The following CDH18 variants were observed in gnomAD, a reference collection of about 807,000 sequenced individuals.
The protein encoded by CDH18 is cadherin 18.
In CDH18, 31 loss-of-function variants were observed where a neutral mutation model predicts 67.9. The observed-to-expected ratio is 0.46, with a 90% CI of 0.34 to 0.62. The LOEUF (loss-of-function observed/expected upper bound fraction) is 0.62. Ranked by LOEUF, CDH18 falls within the 20% of genes least tolerant of loss-of-function variation. The pLI is 0.01. For missense variants in CDH18, 890 were observed against 975.5 expected (o/e 0.91, Z 1.17); for synonymous variants, 362 against 347.2 (o/e 1.04, Z -0.48).
chr5:20,030,407 T>C (rs1739294693), intron 2 of CDH18, among the ~76,000 whole-genome samples: 1 of 152,194 alleles, frequency 6.6e-6, no homozygotes, highest in Non-Finnish European at 1.5e-5. Flanking sequence ...AGATATTTCA[T>C]GGACTACATC....
At chr5:20,059,010 T>C (rs181611808) in intron 2 of CDH18, among the ~76,000 whole-genome samples, 5 of 152,288 alleles carry the variant, frequency 3.3e-5, no homozygotes, top group African/African-American at 1.2e-4. Context: ...ATTCAGGGAT[T>C]GTTATTGATC....
intron 1 of CDH18, among the ~76,000 whole-genome samples, chr5:20,437,013 AAAAT>A (rs1749219387): frequency 6.7e-6 from 1 of 149,294 alleles, no homozygotes; most frequent in Non-Finnish European, 1.5e-5. Context: ...ATGTACAAAG[AAAAT>A]AAATAAAATA....
At chr5:20,537,538 T>A (rs1441525286) in intron 1 of CDH18, among the ~76,000 whole-genome samples, 3 of 152,106 alleles carry the variant, frequency 2.0e-5, no homozygotes, top group Non-Finnish European at 4.4e-5. Flanking sequence ...TTAATTTTTT[T>A]AAAAGCCTAG....
chr5:19,848,773 G>A (rs1275422180), intron 2 of CDH18, among the ~76,000 whole-genome samples: 1 of 151,424 alleles, frequency 6.6e-6, no homozygotes, highest in Non-Finnish European at 1.5e-5. Flanking sequence ...TGAAGACAAA[G>A]ATGATAGCAT....
intron 2 of CDH18, among the ~76,000 whole-genome samples, chr5:19,861,093 G>A (rs138276208): frequency 3.3e-5 from 5 of 152,214 alleles, no homozygotes; most frequent in East Asian, 3.9e-4. Context: ...CTTACAGAAC[G>A]TTATTAAGTG....
At chr5:20,056,384 T>G (rs201103915) in intron 2 of CDH18, among the ~76,000 whole-genome samples, 3 of 146,356 alleles carry the variant, frequency 2.0e-5, no homozygotes, top group Non-Finnish European at 3.0e-5. Context: ...GGACAAGCTG[T>G]TTTTTTTGTT....
At position 20,565,753 on chromosome 5, in the gene CDH18, T is replaced by C. The variant is rs568912699; in HGVS notation, c.-580+9709A>G. 7.7e-4 allele frequency among the ~76,000 whole-genome samples: 65 copies of C among 84,128 alleles called. 1 individual carries two copies. 55.2% of individuals were successfully genotyped at this position (84,128 alleles called of 152,430 possible). On this transcript the variant is annotated intron_variant, in intron 1 of 14. Transcript: ENST00000507958. The stretch of plus-strand genomic sequence containing the variant: ...CCTTTGCGTTCCTCCTTGTACGTTA[T>C]GATAAAAAAAAAAAAAAAGTTCCAG...
At chr5:19,644,343 A>G (rs567407933) in intron 5 of CDH18, among the ~76,000 whole-genome samples, 12 of 152,266 alleles carry the variant, frequency 7.9e-5, no homozygotes, top group Non-Finnish European at 1.5e-4. Flanking sequence ...TGTCGCAAGA[A>G]GCATATAGAT....
chr5:19,609,954 A>G (rs1442013828), intron 6 of CDH18, among the ~76,000 whole-genome samples: 1 of 152,120 alleles, frequency 6.6e-6, no homozygotes, highest in Non-Finnish European at 1.5e-5. Context: ...CCCACTAGGT[A>G]CATAGCTGTT....
intron 1 of CDH18, among the ~76,000 whole-genome samples, chr5:20,339,730 A>G (rs1339443855): frequency 1.3e-5 from 2 of 152,202 alleles, no homozygotes; most frequent in Non-Finnish European, 2.9e-5. Flanking sequence ...TTTTCTATAC[A>G]GGACTTAAAA....
chr5:19,679,024 A>T (rs1331119326), intron 5 of CDH18, among the ~76,000 whole-genome samples: 1 of 152,084 alleles, frequency 6.6e-6, no homozygotes, highest in Admixed American at 6.6e-5. Flanking sequence ...AATATCCTTG[A>T]TGAACATAAA....
chr5:20,237,422 G>A (rs72743074), intron 2 of CDH18, among the ~76,000 whole-genome samples: 1,777 of 151,830 alleles, frequency 0.012, 11 homozygotes, highest in Middle Eastern at 0.031. Context: ...TATCCATGTA[G>A]AAAAATTGAT....
chr5:20,377,354 GAGAA>G (rs1416637723), intron 1 of CDH18, among the ~76,000 whole-genome samples: 4 of 152,150 alleles, frequency 2.6e-5, no homozygotes, highest in African/African-American at 7.2e-5. Flanking sequence ...CCAAAAAAAT[GAGAA>G]AGAGATATTT....
At chr5:19,603,473 G>T (rs1358893281) in intron 6 of CDH18, among the ~76,000 whole-genome samples, 3 of 151,962 alleles carry the variant, frequency 2.0e-5, no homozygotes, top group Non-Finnish European at 4.4e-5. Context: ...TATACGTAGT[G>T]TTATTTAAAT....
At chr5:20,007,153 TAA>T (rs1736969123) in intron 2 of CDH18, among the ~76,000 whole-genome samples, 1 of 151,846 alleles carries the variant, frequency 6.6e-6, no homozygotes, top group South Asian at 2.1e-4. Flanking sequence ...AGATTATATA[TAA>T]GTAAAGAAAT....
At chr5:19,489,447 C>T (rs62349512) in intron 11 of CDH18, among the ~76,000 whole-genome samples, 3,016 of 151,948 alleles carry the variant, frequency 0.02, 44 homozygotes, top group Middle Eastern at 0.062. Context: ...CAGGGTTTCA[C>T]CATGTTGGCC....
chr5:20,416,512 G>C (rs73766051), intron 1 of CDH18, among the ~76,000 whole-genome samples: 3,113 of 152,184 alleles, frequency 0.02, 96 homozygotes, highest in African/African-American at 0.063. Context: ...ATTCAGAAAG[G>C]TGATACCACT....
chr5:20,501,508 A>G (rs1754261452), intron 1 of CDH18, among the ~76,000 whole-genome samples: 1 of 34,812 alleles, frequency 2.9e-5, no homozygotes. Flanking sequence ...TACATATTTT[A>G]TATATATTAT....
chr5:20,314,814 A>G (rs1015052563), intron 1 of CDH18, among the ~76,000 whole-genome samples: 1 of 152,096 alleles, frequency 6.6e-6, no homozygotes, highest in Non-Finnish European at 1.5e-5. Flanking sequence ...TAAATACACA[A>G]AACAGTCAAT....
Sources: allele counts gnomAD v4.1 joint callset (sites outside exome capture counted in the v4.1 genomes callset), GRCh38; gene constraint gnomAD v4.1.1; transcripts MANE v1.5; gene names NCBI Gene and HGNC (gene_info 2026-07-23, HGNC 2026-07-21).